The following ELP4 variants were observed in gnomAD, a reference collection of about 807,000 sequenced individuals.
ELP4 encodes elongator complex protein 4.
A neutral mutation model predicts 48.9 loss-of-function variants in ELP4; 51 were observed. That is an observed-to-expected ratio of 1.04 (90% confidence interval 0.83 to 1.32). ELP4 has a LOEUF of 1.32. ELP4 is among the 40% of genes most tolerant of loss of function. The pLI, the probability that ELP4 is intolerant of heterozygous loss-of-function variation, is 0.00. For synonymous variants in ELP4, 210 were observed against 189.2 expected, an observed-to-expected ratio of 1.11 and a Z score of -0.90; for missense variants, 519 against 514.6, an observed-to-expected ratio of 1.01 and a Z score of -0.08.
chr11:31,569,925 G>GTTCA (rs1314346627), intron 3 of ELP4, among the ~76,000 whole-genome samples: 2 of 152,302 alleles, frequency 1.3e-5, no homozygotes, highest in East Asian at 3.9e-4. Flanking sequence ...ATGTAAATCA[G>GTTCA]TTCAGCCACT....
chr11:31,666,499 C>T (rs962027250), intron 9 of ELP4, among the ~76,000 whole-genome samples: 1 of 151,968 alleles, frequency 6.6e-6, no homozygotes, highest in Non-Finnish European at 1.5e-5. Flanking sequence ...CGAGACGATT[C>T]TGGCCAACAT....
chr11:31,720,239 T>C (rs1946931388), intron 9 of ELP4, among the ~76,000 whole-genome samples: 1 of 152,164 alleles, frequency 6.6e-6, no homozygotes, highest in African/African-American at 2.4e-5. Flanking sequence ...AACAATATGA[T>C]CTCCATTTCA....
intron 9 of ELP4, among the ~76,000 whole-genome samples, chr11:31,713,701 C>A (rs1946786158): frequency 6.6e-6 from 1 of 152,094 alleles, no homozygotes; most frequent in Admixed American, 6.5e-5. Context: ...AACCTAGACA[C>A]TGAAAGAAAG....
intron 9 of ELP4, among the ~76,000 whole-genome samples, chr11:31,759,896 A>G (rs1041944822): frequency 2.0e-5 from 3 of 151,896 alleles, no homozygotes; most frequent in African/African-American, 2.4e-5. Flanking sequence ...TAGCAGAGAC[A>G]GGGTTTCACT....
chr11:31,602,299 T>G (rs1363004685), intron 4 of ELP4, among the ~76,000 whole-genome samples: 1 of 152,080 alleles, frequency 6.6e-6, no homozygotes, highest in Non-Finnish European at 1.5e-5. Flanking sequence ...ACAGACCTTG[T>G]TTAAATTGCT....
At chr11:31,577,887 G>A (rs1424902585) in intron 3 of ELP4, among the ~76,000 whole-genome samples, 1 of 152,172 alleles carries the variant, frequency 6.6e-6, no homozygotes, top group Admixed American at 6.5e-5. Context: ...ACTGGCACAA[G>A]ACATGGATGC....
intron 3 of ELP4, among the ~76,000 whole-genome samples, chr11:31,561,595 C>T (rs941440309): frequency 2.6e-5 from 4 of 152,048 alleles, no homozygotes; most frequent in Non-Finnish European, 5.9e-5. Context: ...AGGCTCCCGC[C>T]GCCACACCTG....
At chr11:31,736,953 C>A (rs1947333397) in intron 9 of ELP4, among the ~76,000 whole-genome samples, 1 of 152,182 alleles carries the variant, frequency 6.6e-6, no homozygotes, top group Non-Finnish European at 1.5e-5. Context: ...TTGACCCAGC[C>A]ATCCCATTAC....
intron 9 of ELP4, among the ~76,000 whole-genome samples, chr11:31,742,194 G>T (rs1947470814): frequency 6.6e-6 from 1 of 152,104 alleles, no homozygotes; most frequent in Non-Finnish European, 1.5e-5. Context: ...AAAGTTTAGA[G>T]AAAAAAGAAT....
At chr11:31,603,992 A>C in intron 5 of ELP4, 85 bp downstream of exon 5, 1 of 1,042,076 alleles carries the variant, frequency 9.6e-7, no homozygotes, top group Non-Finnish European at 1.4e-6. Context: ...AAGAATACAC[A>C]TCTAAGGGTA....
Position 31,646,210 on chromosome 11 carries a change from A to G in ELP4, c.928-1531A>G, listed in dbSNP as rs1249988259. The G allele has an allele frequency of 2.6e-5, 4 of 151,812 alleles. No homozygotes were observed. In the East Asian group the frequency reaches 7.8e-4, roughly 29 times the overall value. 9.4% of individuals were successfully genotyped at this position (151,812 alleles called of 1,614,324 possible). ...TAGAAAAAATAGGCATTTCCAAACT[A>G]TGTTTTTCTATACTTAGTGTGCCCA... On this transcript the variant is annotated intron_variant, in intron 7 of 9. Transcript: ENST00000640961.
chr11:31,583,628 T>A (rs1957426178), intron 3 of ELP4, among the ~76,000 whole-genome samples: 1 of 152,122 alleles, frequency 6.6e-6, no homozygotes, highest in Non-Finnish European at 1.5e-5. Flanking sequence ...AAAAATAAAC[T>A]ACTGAACTAC....
At chr11:31,669,667 T>A (rs1427194028) in intron 9 of ELP4, among the ~76,000 whole-genome samples, 1 of 152,162 alleles carries the variant, frequency 6.6e-6, no homozygotes, top group African/African-American at 2.4e-5. Flanking sequence ...CACAGCACCT[T>A]ACACAGGATT....
At chr11:31,725,338 A>G (rs957373605) in intron 9 of ELP4, among the ~76,000 whole-genome samples, 4 of 152,092 alleles carry the variant, frequency 2.6e-5, no homozygotes, top group Admixed American at 2.6e-4. Flanking sequence ...CTTGGGTAGA[A>G]CACCAGCAGA....
intron 3 of ELP4, among the ~76,000 whole-genome samples, chr11:31,560,716 TTATATATATATAAAACAACATTGTTTTG>T (rs1957009765): frequency 6.7e-6 from 1 of 150,050 alleles, no homozygotes; most frequent in African/African-American, 2.4e-5. Context: ...CAACGTTGTT[TTATATATATATAAAACAACATTGTTTTG>T]TATATATATA....
intron 3 of ELP4, among the ~76,000 whole-genome samples, chr11:31,568,137 T>C (rs1204739118): frequency 5.9e-5 from 9 of 152,134 alleles, no homozygotes; most frequent in African/African-American, 2.2e-4. Context: ...TGTATAAAAA[T>C]CAGTAGCATT....
intron 9 of ELP4, among the ~76,000 whole-genome samples, chr11:31,756,472 A>C (rs1947834126): frequency 6.6e-6 from 1 of 152,128 alleles, no homozygotes; most frequent in Non-Finnish European, 1.5e-5. Context: ...CTAGGACTCT[A>C]ATTTCCCATC....
At chr11:31,634,484 A>G (rs768007334) in intron 7 of ELP4, among the ~76,000 whole-genome samples, 2 of 152,020 alleles carry the variant, frequency 1.3e-5, no homozygotes, top group African/African-American at 2.4e-5. Context: ...AGAAAAGGGA[A>G]ACACTTTTTT....
chr11:31,676,116 T>A (rs1945921408), intron 9 of ELP4, among the ~76,000 whole-genome samples: 1 of 152,220 alleles, frequency 6.6e-6, no homozygotes, highest in South Asian at 2.1e-4. Context: ...TCATCTTTTA[T>A]TCCTCTCCCA....
Sources: allele counts gnomAD v4.1 joint callset (sites outside exome capture counted in the v4.1 genomes callset), GRCh38; gene constraint gnomAD v4.1.1; transcripts MANE v1.5; gene names NCBI Gene and HGNC (gene_info 2026-07-23, HGNC 2026-07-21).